YJEFN3: variants seen among roughly 807,000 people sequenced by gnomAD.
YJEFN3 encodes the protein YjeF N-terminal domain containing 3, also known as yjeF N-terminal domain-containing protein 3.
In YJEFN3, 29 loss-of-function variants were observed where a neutral mutation model predicts 31.5. The ratio of observed to expected loss-of-function variants is 0.92; its 90% CI spans 0.69 to 1.26. YJEFN3 has a LOEUF of 1.26. Among genes scored for constraint, YJEFN3 ranks in the 50% most tolerant of loss-of-function variants. The pLI, the probability that YJEFN3 is intolerant of heterozygous loss-of-function variation, is 0.00. For synonymous variants in YJEFN3, 227 were observed against 196.1 expected (o/e 1.16, Z -1.32); for missense variants, 442 against 425.4 (o/e 1.04, Z -0.34).
intron 6 of YJEFN3, among the ~76,000 whole-genome samples, chr19:19,536,920 A>C (rs953409986): frequency 6.6e-6 from 1 of 152,148 alleles, no homozygotes; most frequent in Non-Finnish European, 1.5e-5. Context: ...CAGTGAGCCG[A>C]GATTGCACCA....
At position 19,535,159 on chromosome 19, in the gene YJEFN3, C is replaced by T; in HGVS notation, c.429+15C>T. 6.3e-7 allele frequency: 1 copy of T among 1,581,446 alleles called. No individual in the cohort carries two copies. The highest frequency in any genetic ancestry group is 2.2e-5 in the East Asian group (1 of 44,590). ...TGCGGGTGTTTGTAAGTAGCAAGGA[C>T]CCCTTCGACCTCCCAAAGTCCCTGC... is the stretch of plus-strand genomic sequence containing the variant. On this transcript the variant is annotated intron_variant, in intron 4 of 6. Coordinates refer to ENST00000514277, the MANE Select transcript of YJEFN3 (RefSeq NM_198537.4).
Position 19,528,957 on chromosome 19 carries a change from C to G in YJEFN3, c.25C>G (p.Pro9Ala), listed in dbSNP as rs747523123. Reference sequence around the variant, plus strand: ...CATGAGCAGCGCAGCCGGCCCAGACCCGTCGGAGGCGCCCGAAGAGCGGCA... The same window carrying G: ...CATGAGCAGCGCAGCCGGCCCAGACGCGTCGGAGGCGCCCGAAGAGCGGCA... MSSAAGPDPSEAPEERHFL... is the reference protein window; with the variant it reads MSSAAGPDASEAPEERHFL... The change falls in exon 1 of 7, where the codon CCG (proline) becomes GCG (alanine). Residue 9 changes from proline (P) to alanine (A), a missense_variant. Pro to Ala is a conservative substitution (Grantham distance 27). Transcript: ENST00000514277. The G allele has an allele frequency of 1.5e-4, 232 of 1,549,866 alleles. 1 individual carries two copies. The African/African-American group carries it at 2.9e-3, about 19-fold the overall frequency.
At position 19,531,718 on chromosome 19, in the gene YJEFN3, C is replaced by CTTTTTTTTTTTTTTTTTTT. The variant is rs56747140; in HGVS notation, c.210-902_210-884dup. Among the ~76,000 whole-genome samples the CTTTTTTTTTTTTTTTTTTT allele has an allele frequency of 5.7e-4, 43 of 75,864 alleles. 5 individuals carry two copies. Among genetic ancestry groups the CTTTTTTTTTTTTTTTTTTT allele is most frequent in the African/African-American group, 3.0e-3 (40 of 13,252 alleles). 49.8% of individuals were successfully genotyped at this position (75,864 alleles called of 152,430 possible). On this transcript the variant is annotated intron_variant, in intron 2 of 6. Transcript: ENST00000514277. ...GCCACATTTTCTGGCAACAAATAACCTTTTTTTTTTTTTTTTTTTTTTTTT... is the reference window on the plus strand; with the variant it reads ...GCCACATTTTCTGGCAACAAATAACCTTTTTTTTTTTTTTTTTTTTTTTTTTTTTTTTTTTTTTTTTTTT...
At chr19:19,533,299 A>G in intron 3 of YJEFN3, 1 of 985,864 alleles carries the variant, frequency 1.0e-6, no homozygotes, top group Non-Finnish European at 1.2e-6. Context: ...GCTGGGCATC[A>G]GTTTCCTCTG....
intron 3 of YJEFN3, chr19:19,533,056 ACATCTGCTCCTGCGAT>A (rs2061173603): frequency 8.6e-7 from 1 of 1,156,834 alleles, no homozygotes; most frequent in Non-Finnish European, 1.1e-6. Flanking sequence ...GGCACCAGGG[ACATCTGCTCCTGCGAT>A]CTGAACACCC....
chr19:19,532,110 C>A (rs544218100), intron 2 of YJEFN3, among the ~76,000 whole-genome samples: 1 of 152,294 alleles, frequency 6.6e-6, no homozygotes, highest in South Asian at 2.1e-4. Flanking sequence ...AGCCCCAGGC[C>A]CCAAGGCCTC....
chr19:19,535,500 G>A, intron 5 of YJEFN3, 29 bp from the exon 6 acceptor site: 1 of 1,611,940 alleles, frequency 6.2e-7, no homozygotes, highest in African/African-American at 1.3e-5. Flanking sequence ...GTGGCCCTGG[G>A]CCACCCTGAC....
intron 1 of YJEFN3, 142 bp downstream of exon 1, chr19:19,529,133 C>T: frequency 6.8e-7 from 1 of 1,473,064 alleles, no homozygotes; most frequent in East Asian, 2.5e-5. Context: ...GGAGGTTCAA[C>T]GGCAGAGGCA....
intron 6 of YJEFN3, 23 bp downstream of exon 6, chr19:19,535,702 C>A: frequency 6.5e-7 from 1 of 1,545,532 alleles, no homozygotes; most frequent in Non-Finnish European, 8.7e-7. Flanking sequence ...GAGGGGGGCA[C>A]ATTGGGGCCT....
intron 2 of YJEFN3, 63 bp downstream of exon 2, chr19:19,529,576 C>A: frequency 1.3e-6 from 2 of 1,570,602 alleles, no homozygotes; most frequent in Non-Finnish European, 1.7e-6. Context: ...TCCTCCTCAG[C>A]CTTTGTGACA....
Position 19,535,643 on chromosome 19 carries a change from C to T in YJEFN3, c.658C>T (p.Leu220=). 6.3e-7 allele frequency: 1 copy of T among 1,581,392 alleles called. No homozygotes were observed. The highest frequency in any genetic ancestry group is 8.6e-7 in the Non-Finnish European group (1 of 1,164,432). The change falls in exon 6 of 7, where the codon CTG becomes TTG. Residue 220 remains leucine (L), a synonymous_variant. Transcript: ENST00000514277. ...CCGCGCGCTGGCCACGCTCAAGCTGCTGTCCATCCCCCTCGTGAGCCTGGA... is the reference window on the plus strand; with the variant it reads ...CCGCGCGCTGGCCACGCTCAAGCTGTTGTCCATCCCCCTCGTGAGCCTGGA... ...CTRALATLKL[L]SIPLVSLDIP...
In YJEFN3 at chr19:19,537,504, G is replaced by T; in HGVS notation, c.880G>T (p.Asp294Tyr). The T allele has an allele frequency of 6.4e-7, 1 of 1,566,862 alleles. No individual in the cohort carries two copies. The highest frequency in any genetic ancestry group is 8.6e-7 in the Non-Finnish European group (1 of 1,158,352). ...ALRLPGYTGT[D>Y]CVAAL ...GCGCCTGCCGGGATACACGGGCACCGACTGCGTCGCGGCACTGTGACCGCC... is the reference window on the plus strand; with the variant it reads ...GCGCCTGCCGGGATACACGGGCACCTACTGCGTCGCGGCACTGTGACCGCC... Residue 294 changes from aspartate to tyrosine, a missense_variant, in exon 7 of 7, where the codon GAC becomes TAC. Coordinates refer to ENST00000514277, the MANE Select transcript of YJEFN3 (RefSeq NM_198537.4).
In YJEFN3 at chr19:19,535,683, TGCCAG is replaced by T; in HGVS notation, c.694+7_694+11del. The T allele has an allele frequency of 6.4e-7, 1 of 1,552,234 alleles. No homozygotes were observed. The highest frequency in any genetic ancestry group is 1.2e-5 in the South Asian group (1 of 84,876). On this transcript the variant is annotated splice_donor_5th_base_variant and intron_variant, in intron 6 of 6. Coordinates refer to ENST00000514277, the MANE Select transcript of YJEFN3 (RefSeq NM_198537.4). Reference sequence around the variant, plus strand: ...GTGAGCCTGGACATCCCCTCAGGCATGCCAGGCAGAGGGGGGCACATTGGGGCCTG... The same window carrying T: ...GTGAGCCTGGACATCCCCTCAGGCATGCAGAGGGGGGCACATTGGGGCCTG...
chr19:19,535,042 G>T lies in YJEFN3; in HGVS notation c.327G>T (p.Pro109=). ...GTGTCCCCTACCACCAGGCGTTCCC[G>T]TTGCCCGCTCTCTCCCGGAAGCAGA... ...ASAVAVTKAF[P]LPALSRKQRT... is the part of the protein sequence containing the mutation. Residue 109 remains proline (P), a synonymous_variant, in exon 4 of 7, where the codon CCG becomes CCT. Coordinates refer to ENST00000514277, the MANE Select transcript of YJEFN3 (RefSeq NM_198537.4). 6.3e-7 allele frequency: 1 copy of T among 1,598,844 alleles called. No homozygotes were observed. The highest frequency in any genetic ancestry group is 8.5e-7 in the Non-Finnish European group (1 of 1,172,558).
rs58031491 is a variant in YJEFN3 at position 19,535,622 on chromosome 19, G to T, written c.637G>T (p.Ala213Ser). The change falls in exon 6 of 7, where the codon GCG becomes TCG. Residue 213 changes from alanine (A) to serine (S), a missense_variant. Ala to Ser is a moderately conservative substitution (Grantham distance 99, BLOSUM62 1). Coordinates refer to ENST00000514277, the MANE Select transcript of YJEFN3 (RefSeq NM_198537.4). ...CGAGGTCGGGGGCCCCTGCACCCGCGCGCTGGCCACGCTCAAGCTGCTGTC... is the reference window on the plus strand; with the variant it reads ...CGAGGTCGGGGGCCCCTGCACCCGCTCGCTGGCCACGCTCAAGCTGCTGTC... ...PGEVGGPCTR[A>S]LATLKLLSIP... 1.9e-6 allele frequency: 3 copies of T among 1,588,902 alleles called. No homozygotes were observed. Among genetic ancestry groups the T allele is most frequent in the Non-Finnish European group, 2.6e-6 (3 of 1,168,030 alleles).
At position 19,534,966 on chromosome 19, in the gene YJEFN3, C is replaced by T. The variant is rs2061193069; in HGVS notation, c.319-68C>T. 2 of 1,389,180 alleles carry T rather than the reference C, an allele frequency of 1.4e-6. No homozygotes were observed. Among genetic ancestry groups the T allele is most frequent in the South Asian group, 1.5e-5 (1 of 68,156 alleles). 86.1% of individuals were successfully genotyped at this position (1,389,180 alleles called of 1,614,324 possible). Reference sequence around the variant, plus strand: ...CCATCCCTTCCCCTACTCCGGGCCTCAGTTTCCTCTCCAGGCAAGGAGGAA... The same window carrying T: ...CCATCCCTTCCCCTACTCCGGGCCTTAGTTTCCTCTCCAGGCAAGGAGGAA... On this transcript the variant is annotated intron_variant, in intron 3 of 6. Transcript: ENST00000514277. This position sits in a 1 kb window ranked among gnomAD's most constrained non-coding sequence, Gnocchi z 4.6.
chr19:19,534,028 G>C lies in YJEFN3; in HGVS notation c.319-1006G>C. ...GTGGTTGGAGCTTAAAGTACAGCTG[G>C]GGCTCAAGAGACACCCAGAGTGCCT... On this transcript the variant is annotated intron_variant, in intron 3 of 6. Transcript: ENST00000514277. This position sits in a 1 kb window ranked among gnomAD's most constrained non-coding sequence, Gnocchi z 4.6. The C allele has an allele frequency of 1.0e-6, 1 of 985,606 alleles. No homozygotes were observed. The highest frequency in any genetic ancestry group is 1.2e-6 in the Non-Finnish European group (1 of 830,072). The allele number at this position is 985,606 out of a possible 1,614,324, so 61.1% of individuals were successfully genotyped here. A position where few individuals can be genotyped will look rare whatever the true frequency, so the allele number is the denominator to read the frequency against.
intron 3 of YJEFN3, chr19:19,533,896 G>A: frequency 1.4e-5 from 14 of 985,550 alleles, no homozygotes; most frequent in Non-Finnish European, 1.7e-5. Flanking sequence ...CTTGGGTCTT[G>A]GGCTCTGGGC....
intron 2 of YJEFN3, among the ~76,000 whole-genome samples, chr19:19,531,222 C>T (rs189475479): frequency 4.9e-4 from 74 of 152,288 alleles, no homozygotes; most frequent in Admixed American, 1.3e-3. Context: ...GATTCATCCC[C>T]TCAAAACATC....
Sources: gnomAD v4.1 joint callset for allele counts (sites outside exome capture counted in the v4.1 genomes callset) on GRCh38, gnomAD v4.1.1 for gene constraint, Gnocchi (gnomAD v3.1) non-coding constraint, MANE v1.5 for transcripts, NCBI Gene and HGNC (gene_info 2026-07-23, HGNC 2026-07-21) for gene names.